The following GPR89A variants were observed in gnomAD, a reference collection of about 807,000 sequenced individuals.
The protein encoded by GPR89A is G protein-coupled receptor 89A.
In GPR89A, 16 loss-of-function variants were observed where a neutral mutation model predicts 52.0. The observed-to-expected ratio is 0.31, with a 90% CI of 0.21 to 0.47. GPR89A has a LOEUF of 0.47. Ranked by LOEUF, GPR89A falls within the 20% of genes least tolerant of loss-of-function variation. The pLI is 1.00. For missense variants in GPR89A, 135 were observed against 449.4 expected, an observed-to-expected ratio of 0.30 and a Z score of 6.33; for synonymous variants, 55 against 150.9, an observed-to-expected ratio of 0.36 and a Z score of 4.66.
At chr1:145,663,060 C>T (rs1652311310) in intron 10 of GPR89A, among the ~76,000 whole-genome samples, 1 of 152,152 alleles carries the variant, frequency 6.6e-6, no homozygotes. Flanking sequence ...CTTTCTGGCT[C>T]CTGATAAATT....
At chr1:145,635,502 C>T (rs1418063608) in intron 7 of GPR89A, among the ~76,000 whole-genome samples, 5 of 151,998 alleles carry the variant, frequency 3.3e-5, no homozygotes, top group Admixed American at 6.5e-5. Context: ...AAGGTAGACA[C>T]GTGTATAATT....
At chr1:145,610,807 T>C (rs1229354322) in intron 1 of GPR89A, among the ~76,000 whole-genome samples, 1 of 152,200 alleles carries the variant, frequency 6.6e-6, no homozygotes, top group African/African-American at 2.4e-5. Flanking sequence ...AAGGTGTCTT[T>C]TATAGTTAAT....
chr1:145,651,096 G>T (rs1553693466), intron 10 of GPR89A, among the ~76,000 whole-genome samples: 2 of 152,082 alleles, frequency 1.3e-5, no homozygotes, highest in Admixed American at 1.3e-4. Flanking sequence ...GTATTGCCTA[G>T]ATTTTCTTCT....
At chr1:145,667,929 A>C (rs1652687871) in intron 12 of GPR89A, among the ~76,000 whole-genome samples, 1 of 152,118 alleles carries the variant, frequency 6.6e-6, no homozygotes, top group Admixed American at 6.6e-5. Context: ...CCATTGGTCT[A>C]TATCTCTGTT....
At chr1:145,668,097 A>G (rs1260816598) in intron 12 of GPR89A, among the ~76,000 whole-genome samples, 37 of 152,124 alleles carry the variant, frequency 2.4e-4, no homozygotes, top group African/African-American at 8.7e-4. Context: ...GTTTTTTCCA[A>G]TTCTGTGAAG....
At chr1:145,608,841 A>G (rs1319625577) in intron 1 of GPR89A, among the ~76,000 whole-genome samples, 2 of 150,192 alleles carry the variant, frequency 1.3e-5, no homozygotes, top group African/African-American at 4.9e-5. Flanking sequence ...ATCGACCATT[A>G]TATAAAGCTC....
At chr1:145,659,238 G>A (rs1207018093) in intron 10 of GPR89A, among the ~76,000 whole-genome samples, 2 of 151,954 alleles carry the variant, frequency 1.3e-5, no homozygotes, top group Non-Finnish European at 2.9e-5. Flanking sequence ...AGGCTGGAGT[G>A]CAGTGGTGCA....
chr1:145,651,065 G>A (rs1571526172), intron 10 of GPR89A, among the ~76,000 whole-genome samples: 1 of 152,080 alleles, frequency 6.6e-6, no homozygotes, highest in South Asian at 2.1e-4. Flanking sequence ...TGAAACCTTT[G>A]CCTGTACCAT....
intron 5 of GPR89A, among the ~76,000 whole-genome samples, chr1:145,629,263 T>G (rs1649733508): frequency 6.6e-6 from 1 of 152,020 alleles, no homozygotes; most frequent in South Asian, 2.1e-4. Flanking sequence ...GGGAGACAAG[T>G]TGGGAGGATG....
chr1:145,647,737 G>A (rs12134686), intron 10 of GPR89A, among the ~76,000 whole-genome samples: 1,847 of 143,328 alleles, frequency 0.013, 18 homozygotes, highest in Non-Finnish European at 0.022. Context: ...CCCGAGAGGC[G>A]GACGTTGCAG....
intron 8 of GPR89A, chr1:145,645,772 A>G (rs1553692414): frequency 2.3e-6 from 1 of 440,996 alleles, no homozygotes; most frequent in African/African-American, 2.0e-5. Context: ...AGCCTATATT[A>G]GAACACAGTA....
intron 10 of GPR89A, among the ~76,000 whole-genome samples, chr1:145,659,028 C>T (rs1345077846): frequency 3.3e-5 from 5 of 151,984 alleles, no homozygotes; most frequent in African/African-American, 7.3e-5. Flanking sequence ...CCACTAGCCT[C>T]GGCCTCCCAA....
rs1649842325 is a variant in GPR89A, at chr1:145,630,832, C to CT, written c.536+31dup. ...GGTAACAGAGCGCTTTGCATCCTTT[C>CT]TTTTTTGCCCCATTACTTCTTGAAT... is the stretch of plus-strand genomic sequence containing the variant. On this transcript the variant is annotated intron_variant, in intron 6 of 13. Coordinates refer to ENST00000313835, the MANE Select transcript of GPR89A (RefSeq NM_001097612.2). 2.5e-5 allele frequency: 11 copies of CT among 432,774 alleles called. No homozygotes were observed. In the South Asian group the frequency reaches 2.6e-4, roughly 10 times the overall value. The allele number at this position is 432,774 out of a possible 1,614,324, so 26.8% of individuals were successfully genotyped here.
intron 10 of GPR89A, among the ~76,000 whole-genome samples, chr1:145,659,930 A>T (rs1437851482): frequency 6.6e-6 from 1 of 150,472 alleles, no homozygotes; most frequent in Non-Finnish European, 1.5e-5. Context: ...ATTTGTTTGT[A>T]TCCTCTTTTA....
rs1180346393 is a variant in GPR89A, at chr1:145,642,744, A to G, written c.618-1125A>G. On this transcript the variant is annotated intron_variant, in intron 7 of 13. Coordinates refer to ENST00000313835, the MANE Select transcript of GPR89A (RefSeq NM_001097612.2). ...AGTTACATTTTTCTTTGGTCCTGCTACTCTATTTTTATTAGACTCATCCTA... is the reference window on the plus strand; with the variant it reads ...AGTTACATTTTTCTTTGGTCCTGCTGCTCTATTTTTATTAGACTCATCCTA... Among the ~76,000 whole-genome samples the G allele has an allele frequency of 7.3e-5, 11 of 151,202 alleles. No homozygotes were observed. In the South Asian group the frequency reaches 1.3e-3, roughly 17 times the overall value.
intron 11 of GPR89A, 41 bp from the exon 12 acceptor site, chr1:145,665,521 A>T: frequency 6.7e-7 from 1 of 1,502,898 alleles, no homozygotes. Flanking sequence ...CGTCTCTCTG[A>T]ACAGAGATTT....
chr1:145,648,423 TATGTTC>T (rs1651193940), intron 10 of GPR89A, among the ~76,000 whole-genome samples: 2 of 151,712 alleles, frequency 1.3e-5, no homozygotes, highest in Non-Finnish European at 2.9e-5. Flanking sequence ...ATGAAGATAG[TATGTTC>T]AGTTAGCAAA....
chr1:145,664,476 C>T (rs1160142478), intron 11 of GPR89A, among the ~76,000 whole-genome samples: 1 of 151,500 alleles, frequency 6.6e-6, no homozygotes. Context: ...ATGGTGAAAA[C>T]CTGTCTCTAG....
chr1:145,647,259 A>C lies in GPR89A; in HGVS notation c.901A>C (p.Ile301Leu). The C allele has an allele frequency of 6.5e-7, 1 of 1,547,276 alleles. No homozygotes were observed. The change falls in exon 10 of 14, where the codon ATT becomes CTT. Residue 301 changes from isoleucine (I) to leucine (L), a missense_variant. Ile to Leu is a conservative substitution (Grantham distance 5). Transcript: ENST00000313835. ...TTTCTCTATTTACTGTGTTTGGAAA[A>C]TTTTCATGGTAAGTATGTTATTTTT... ...YFFSIYCVWK[I>L]FMATINIVFD...
Sources: gnomAD v4.1 joint callset for allele counts (sites outside exome capture counted in the v4.1 genomes callset) on GRCh38, gnomAD v4.1.1 for gene constraint, MANE v1.5 for transcripts, NCBI Gene and HGNC (gene_info 2026-07-23, HGNC 2026-07-21) for gene names.